Variants in LHFPL2 observed in about 807,000 individuals in gnomAD.
LHFPL2 encodes the protein LHFPL tetraspan subfamily member 2.
A neutral mutation model predicts 17.5 loss-of-function variants in LHFPL2; 7 were observed. The observed-to-expected ratio is 0.40, with a 90% CI of 0.23 to 0.75. The LOEUF is 0.75. LHFPL2 is among the 30% of genes least tolerant of loss of function. LHFPL2 has a pLI of 0.37. For synonymous variants in LHFPL2, 134 were observed against 116.2 expected, an observed-to-expected ratio of 1.15 and a Z score of -0.99; for missense variants, 241 against 294.8, an observed-to-expected ratio of 0.82 and a Z score of 1.34.
At chr5:78,502,027 T>G (rs1754791255) in intron 4 of LHFPL2, among the ~76,000 whole-genome samples, 1 of 152,138 alleles carries the variant, frequency 6.6e-6, no homozygotes, top group Non-Finnish European at 1.5e-5. Context: ...GCATTAATGC[T>G]TTTGCTGTTT....
At chr5:78,596,240 G>C (rs562305734) in intron 2 of LHFPL2, among the ~76,000 whole-genome samples, 3 of 152,248 alleles carry the variant, frequency 2.0e-5, no homozygotes, top group South Asian at 4.1e-4. Context: ...AAGATATACA[G>C]TTACAAGAAC....
Position 78,510,371 on chromosome 5 carries a change from G to A in LHFPL2, c.-158C>T, listed in dbSNP as rs1229079923. The A allele has an allele frequency of 8.1e-6, 6 of 737,036 alleles. No homozygotes were observed. Among genetic ancestry groups the A allele is most frequent in the South Asian group, 4.0e-5 (2 of 50,604 alleles). 45.7% of individuals were successfully genotyped at this position (737,036 alleles called of 1,614,324 possible). A position where few individuals can be genotyped will look rare whatever the true frequency, so the allele number is the denominator to read the frequency against. On this transcript the variant is annotated 5_prime_UTR_variant, in exon 4 of 5. Transcript: ENST00000380345. ...CGTTCATGCTGGGGACAGCGCTCCCGGACCCAGAGCACCGCCTGCGGCCTC... is the reference window on the plus strand; with the variant it reads ...CGTTCATGCTGGGGACAGCGCTCCCAGACCCAGAGCACCGCCTGCGGCCTC...
At chr5:78,636,013 C>T (rs1745437008) in intron 1 of LHFPL2, among the ~76,000 whole-genome samples, 1 of 151,958 alleles carries the variant, frequency 6.6e-6, no homozygotes, top group South Asian at 2.1e-4. Flanking sequence ...CACACACACA[C>T]ACACACGCGC....
Position 78,551,733 on chromosome 5 carries a change from C to A in LHFPL2, c.-186+13080G>T, listed in dbSNP as rs75479344. ...ACTTCCCCAAGGTGGGTTATAGAAG[C>A]CAGAACCCCCTTTCCCAAAAGCCAG... On this transcript the variant is annotated intron_variant, in intron 3 of 4. Coordinates refer to ENST00000380345, the MANE Select transcript of LHFPL2 (RefSeq NM_005779.3). Among the ~76,000 whole-genome samples the A allele has an allele frequency of 5.0e-3, 754 of 152,316 alleles. 4 individuals carry two copies. Among genetic ancestry groups the A allele is most frequent in the African/African-American group, 0.016 (646 of 41,578 alleles).
chr5:78,531,419 CAAA>C (rs11445485), intron 3 of LHFPL2, among the ~76,000 whole-genome samples: 1,865 of 116,220 alleles, frequency 0.016, 29 homozygotes, highest in African/African-American at 0.048. Flanking sequence ...AACTCCATCT[CAAA>C]AAAAAAAAAA....
chr5:78,574,480 C>G (rs567974668), intron 2 of LHFPL2, among the ~76,000 whole-genome samples: 1 of 152,376 alleles, frequency 6.6e-6, no homozygotes, highest in African/African-American at 2.4e-5. Flanking sequence ...TGAACCCTGA[C>G]CCTGGCCTCA....
At chr5:78,569,942 G>A (rs562977115) in intron 2 of LHFPL2, among the ~76,000 whole-genome samples, 4 of 152,106 alleles carry the variant, frequency 2.6e-5, no homozygotes, top group Non-Finnish European at 4.4e-5. Context: ...AGCCTATAAC[G>A]TGCCAGCCAC....
intron 3 of LHFPL2, among the ~76,000 whole-genome samples, chr5:78,549,805 C>T (rs1561334422): frequency 6.6e-6 from 1 of 152,164 alleles, no homozygotes; most frequent in Non-Finnish European, 1.5e-5. Context: ...GTCTAAAATA[C>T]CTTCCAATAT....
chr5:78,520,224 A>G (rs1356270960), intron 3 of LHFPL2, among the ~76,000 whole-genome samples: 1 of 152,130 alleles, frequency 6.6e-6, no homozygotes, highest in Non-Finnish European at 1.5e-5. Context: ...TTCTATTATC[A>G]TCCTCACTCT....
At chr5:78,644,732 C>G (rs1256404111) in intron 1 of LHFPL2, 6 of 240,796 alleles carry the variant, frequency 2.5e-5, no homozygotes, top group Non-Finnish European at 4.3e-5. Flanking sequence ...TTAGAAAACT[C>G]TGAGGAGCTG....
intron 1 of LHFPL2, among the ~76,000 whole-genome samples, chr5:78,635,645 T>C (rs1220865411): frequency 1.3e-5 from 2 of 151,986 alleles, no homozygotes; most frequent in African/African-American, 4.8e-5. Flanking sequence ...TACTAAAAAA[T>C]ACAAAAAATT....
intron 3 of LHFPL2, among the ~76,000 whole-genome samples, chr5:78,527,386 T>TTC (rs397998274): frequency 4.7e-5 from 7 of 149,270 alleles, no homozygotes; most frequent in South Asian, 2.1e-4. Flanking sequence ...TTTTTTTTTT[T>TTC]CCAAAAGTTC....
chr5:78,490,921 C>CT (rs1754423229), intron 4 of LHFPL2, among the ~76,000 whole-genome samples: 1 of 152,148 alleles, frequency 6.6e-6, no homozygotes, highest in South Asian at 2.1e-4. Context: ...CATCTTGGCT[C>CT]TGAGTTCTGT....
intron 2 of LHFPL2, among the ~76,000 whole-genome samples, chr5:78,618,315 T>C (rs1744692693): frequency 6.6e-6 from 1 of 152,174 alleles, no homozygotes; most frequent in Admixed American, 6.6e-5. Context: ...TTTTTAGGGG[T>C]CATCTGAAAC....
chr5:78,638,777 C>T (rs774900789), intron 1 of LHFPL2, among the ~76,000 whole-genome samples: 13 of 152,042 alleles, frequency 8.6e-5, no homozygotes, highest in Non-Finnish European at 1.5e-4. Context: ...GACTTGTGGC[C>T]CAGAGGGAAG....
At chr5:78,561,787 C>T (rs769937953) in intron 3 of LHFPL2, among the ~76,000 whole-genome samples, 7 of 152,100 alleles carry the variant, frequency 4.6e-5, no homozygotes, top group South Asian at 2.1e-4. Context: ...TAGGTGAGAA[C>T]GAGACAGGGT....
chr5:78,537,388 G>GA lies in LHFPL2; in HGVS notation c.-185-26991dup, dbSNP rs548168047. ...GCCCCCCAAAAATGGTTATTCGTGGGAAAAAAAAGATCTATTTTTAGGTGT... is the reference window on the plus strand; with the variant it reads ...GCCCCCCAAAAATGGTTATTCGTGGGAAAAAAAAAGATCTATTTTTAGGTGT... On this transcript the variant is annotated intron_variant, in intron 3 of 4. Coordinates refer to ENST00000380345, the MANE Select transcript of LHFPL2 (RefSeq NM_005779.3). Among the ~76,000 whole-genome samples, 583 of 151,886 alleles carry GA rather than the reference G, an allele frequency of 3.8e-3. 4 individuals carry two copies. The highest frequency in any genetic ancestry group is 5.7e-3 in the Non-Finnish European group (384 of 67,922).
chr5:78,560,666 T>A (rs1028854269), intron 3 of LHFPL2, among the ~76,000 whole-genome samples: 2 of 152,196 alleles, frequency 1.3e-5, no homozygotes, highest in African/African-American at 2.4e-5. Context: ...AAACAGACCT[T>A]AAGCTGTATT....
chr5:78,570,634 GTATATATATATATACGTATATATATA>G (rs1296843674), intron 2 of LHFPL2, among the ~76,000 whole-genome samples: 1 of 145,366 alleles, frequency 6.9e-6, no homozygotes, highest in Non-Finnish European at 1.5e-5. Flanking sequence ...TATATATATA[GTATATATATATATACGTATATATATA>G]TATACGTATG....
Sources: gnomAD v4.1 joint callset for allele counts (sites outside exome capture counted in the v4.1 genomes callset) on GRCh38, gnomAD v4.1.1 for gene constraint, MANE v1.5 for transcripts, NCBI Gene and HGNC (gene_info 2026-07-23, HGNC 2026-07-21) for gene names.